WNT2B: variants seen among roughly 807,000 people sequenced by gnomAD.
WNT2B encodes Wnt family member 2B.
In WNT2B, 19 loss-of-function variants were observed where a neutral mutation model predicts 40.5. The observed-to-expected ratio is 0.47, with a 90% CI of 0.33 to 0.69. The LOEUF (loss-of-function observed/expected upper bound fraction) is 0.69. WNT2B is among the 30% of genes least tolerant of loss of function. The pLI, the probability that WNT2B is intolerant of heterozygous loss-of-function variation, is 0.02. For synonymous variants in WNT2B, 220 were observed against 211.9 expected (o/e 1.04, Z -0.33); for missense variants, 467 against 556.4 (o/e 0.84, Z 1.62).
chr1:112,483,271 A>C (rs1474910319), intron 1 of WNT2B, among the ~76,000 whole-genome samples: 1 of 152,088 alleles, frequency 6.6e-6, no homozygotes, highest in Non-Finnish European at 1.5e-5. Flanking sequence ...TGGTACTTGC[A>C]TAAAAACAAT....
At chr1:112,510,820 G>A (rs1280954400) in intron 1 of WNT2B, among the ~76,000 whole-genome samples, 1 of 152,094 alleles carries the variant, frequency 6.6e-6, no homozygotes, top group Non-Finnish European at 1.5e-5. Flanking sequence ...AGGGAAAGGG[G>A]AGAAGGGGGA....
In WNT2B at chr1:112,523,055, CT is replaced by C. The variant is rs1355239688; in HGVS notation, c.*2547del. 1 of 152,244 alleles carries C rather than the reference CT, an allele frequency of 6.6e-6. No individual in the cohort carries two copies. The highest frequency in any genetic ancestry group is 6.5e-5 in the Admixed American group (1 of 15,284). The allele number at this position is 152,244 out of a possible 1,614,324, so 9.4% of individuals were successfully genotyped here. A position where few individuals can be genotyped will look rare whatever the true frequency, so the allele number is the denominator to read the frequency against. ...AGGCTGCTGGGGAAAGCCTCAGGTC[CT>C]GGCCAGCCCCTGTTCTCACAAGAAC... On this transcript the variant is annotated 3_prime_UTR_variant, in exon 5 of 5. Coordinates refer to ENST00000369684, the MANE Select transcript of WNT2B (RefSeq NM_024494.3).
intron 1 of WNT2B, among the ~76,000 whole-genome samples, chr1:112,491,789 G>A (rs1219179499): frequency 2.0e-5 from 3 of 152,146 alleles, no homozygotes; most frequent in Non-Finnish European, 4.4e-5. Flanking sequence ...TACTCAGGAG[G>A]CTAAAGTGGG....
chr1:112,472,475 G>A (rs1650909086), intron 1 of WNT2B, among the ~76,000 whole-genome samples: 1 of 151,048 alleles, frequency 6.6e-6, no homozygotes. Context: ...CACATTCAAA[G>A]AGTCTTCAGA....
chr1:112,515,234 G>A lies in WNT2B; in HGVS notation c.403+140G>A, dbSNP rs150759507. The A allele has an allele frequency of 0.015, 15,195 of 1,038,738 alleles. 159 individuals are homozygous for A. Among genetic ancestry groups the A allele is most frequent in the South Asian group, 0.019 (1,189 of 63,768 alleles). The allele number at this position is 1,038,738 out of a possible 1,614,324, so 64.3% of individuals were successfully genotyped here. On this transcript the variant is annotated intron_variant, in intron 2 of 4. Transcript: ENST00000369684. The surrounding 1 kb of genome is among the most constrained non-coding windows in gnomAD (Gnocchi z 4.4). ...AGAAAGAACTGTGGGCAGAGCCCAGGATATAATTGGGAACAGACTCTTAGC... is the reference window on the plus strand; with the variant it reads ...AGAAAGAACTGTGGGCAGAGCCCAGAATATAATTGGGAACAGACTCTTAGC...
exon 1 of WNT2B, chr1:112,467,389 C>A: frequency 1.6e-6 from 1 of 618,108 alleles, no homozygotes; most frequent in South Asian, 2.0e-5. Context: ...GTTTAAGCTT[C>A]GAGGCCCATC....
chr1:112,479,261 T>G (rs1557907884), intron 1 of WNT2B, among the ~76,000 whole-genome samples: 2 of 150,400 alleles, frequency 1.3e-5, no homozygotes, highest in Admixed American at 6.6e-5. Flanking sequence ...ACAAATAAGA[T>G]TAAACAAAAC....
intron 1 of WNT2B, among the ~76,000 whole-genome samples, chr1:112,511,067 C>T (rs1451702857): frequency 6.6e-6 from 1 of 152,150 alleles, no homozygotes; most frequent in Non-Finnish European, 1.5e-5. Context: ...GGAAGTGTCA[C>T]TCTGGTAATT....
At chr1:112,513,136 A>G (rs58118553) in intron 1 of WNT2B, among the ~76,000 whole-genome samples, 1 of 151,704 alleles carries the variant, frequency 6.6e-6, no homozygotes, top group Non-Finnish European at 1.5e-5. Flanking sequence ...AAAACAAAAA[A>G]ACACACCCAT....
chr1:112,508,673 T>A (rs754756360), upstream of WNT2B: 42 of 977,896 alleles, frequency 4.3e-5, no homozygotes, highest in Admixed American at 6.2e-5. The surrounding 1 kb of genome is among the most constrained non-coding windows in gnomAD (Gnocchi z 4.2). Flanking sequence ...CCCATAGAAG[T>A]GGGGCTGCTG....
chr1:112,519,495 T>A (rs575752974), intron 4 of WNT2B, among the ~76,000 whole-genome samples: 626 of 152,296 alleles, frequency 4.1e-3, no homozygotes, highest in Non-Finnish European at 6.4e-3. Flanking sequence ...AAAAGTCTAT[T>A]GATTTTATGA....
At chr1:112,490,005 A>G (rs1332576595) in intron 1 of WNT2B, among the ~76,000 whole-genome samples, 2 of 152,228 alleles carry the variant, frequency 1.3e-5, no homozygotes, top group Non-Finnish European at 2.9e-5. Context: ...AAAATTAGAA[A>G]TACACATGCA....
intron 1 of WNT2B, among the ~76,000 whole-genome samples, chr1:112,468,866 T>C (rs1186317338): frequency 6.6e-6 from 1 of 152,206 alleles, no homozygotes. Flanking sequence ...GTCTTGGCCA[T>C]AAAATCTTTG....
intron 1 of WNT2B, among the ~76,000 whole-genome samples, chr1:112,495,521 G>A (rs1043223964): frequency 8.6e-5 from 13 of 151,990 alleles, no homozygotes; most frequent in East Asian, 1.9e-4. Context: ...CCCAGAAGGC[G>A]GAGCTTGCAG....
chr1:112,509,113 C>T lies in WNT2B; in HGVS notation c.-150C>T, dbSNP rs1201852075. On this transcript the variant is annotated 5_prime_UTR_variant, in exon 1 of 5. Coordinates refer to ENST00000369684, the MANE Select transcript of WNT2B (RefSeq NM_024494.3). This position sits in a 1 kb window ranked among gnomAD's most constrained non-coding sequence, Gnocchi z 4.2. ...GCGCCCCTCTCGGGGATCCTCCTCCCGGGCTCTGGACCCCAGGTGATCCTA... is the reference window on the plus strand; with the variant it reads ...GCGCCCCTCTCGGGGATCCTCCTCCTGGGCTCTGGACCCCAGGTGATCCTA... The T allele has an allele frequency of 3.7e-6, 5 of 1,359,030 alleles. No homozygotes were observed. The African/African-American group carries it at 6.2e-5, about 17-fold the overall frequency. 84.2% of individuals were successfully genotyped at this position (1,359,030 alleles called of 1,614,324 possible).
At position 112,491,005 on chromosome 1, in the gene WNT2B, G is replaced by C. The variant is rs373335061; in HGVS notation, c.-95+23414G>C. On this transcript the variant is annotated intron_variant, in intron 1 of 4. Transcript: ENST00000256640. Reference sequence around the variant, plus strand: ...AAATTGCGCCTGTGTTTTCTTTTCCGACCAGACTGAAGGATCCTTGAGGAC... The same window carrying C: ...AAATTGCGCCTGTGTTTTCTTTTCCCACCAGACTGAAGGATCCTTGAGGAC... 3 of 1,613,648 alleles carry C rather than the reference G, an allele frequency of 1.9e-6. No homozygotes were observed. In the Admixed American group the frequency reaches 5.0e-5, roughly 27 times the overall value.
At chr1:112,487,529 AAC>A (rs1293994845) in intron 1 of WNT2B, among the ~76,000 whole-genome samples, 1 of 152,226 alleles carries the variant, frequency 6.6e-6, no homozygotes, top group Non-Finnish European at 1.5e-5. Flanking sequence ...AAAATCATCT[AAC>A]ACAATCCCTA....
At chr1:112,514,770 CAG>C (rs1652468062) in intron 1 of WNT2B, 102 bp from the exon 2 acceptor site, 1 of 1,079,674 alleles carries the variant, frequency 9.3e-7, no homozygotes, top group Admixed American at 1.9e-5. Flanking sequence ...GGAGAGGGGA[CAG>C]AATCTCTTCA....
chr1:112,510,535 T>C (rs1207981367), intron 1 of WNT2B, among the ~76,000 whole-genome samples: 2 of 152,170 alleles, frequency 1.3e-5, no homozygotes, highest in African/African-American at 4.8e-5. Flanking sequence ...CCTTGCACCC[T>C]GTGGCTTTTC....
Sources: allele counts gnomAD v4.1 joint callset (sites outside exome capture counted in the v4.1 genomes callset), GRCh38; gene constraint gnomAD v4.1.1; non-coding constraint Gnocchi (gnomAD v3.1); transcripts MANE v1.5; gene names NCBI Gene and HGNC (gene_info 2026-07-23, HGNC 2026-07-21).